The following PKD1L1 variants were observed in gnomAD, a reference collection of about 807,000 sequenced individuals.
The protein encoded by PKD1L1 is polycystin-1-like protein 1.
Under a neutral mutation model 323.4 loss-of-function variants are expected in PKD1L1, and 236 were observed. The observed-to-expected ratio is 0.73, with a 90% CI of 0.66 to 0.81. The LOEUF is 0.81. Among genes scored for constraint, PKD1L1 ranks in the 40% least tolerant of loss-of-function variants. PKD1L1 has a pLI of 0.00. For missense variants in PKD1L1, 3,320 were observed against 3,508.0 expected (o/e 0.95, Z 1.35); for synonymous variants, 1,344 against 1,335.0 (o/e 1.01, Z -0.15).
intron 3 of PKD1L1, among the ~76,000 whole-genome samples, chr7:47,937,706 G>A (rs989649242): frequency 5.9e-5 from 9 of 152,154 alleles, no homozygotes; most frequent in South Asian, 2.1e-4. Context: ...TGGGGTGGCC[G>A]GGCTGGCTGC....
At chr7:47,957,860 A>ATATATATATATATATATATATATATATAT in the PKD1L1 span, among the ~76,000 whole-genome samples, 151 of 124,096 alleles carry the variant, frequency 1.2e-3, 5 homozygotes, top group East Asian at 5.3e-3. Flanking sequence ...CAATTAAAAA[A>ATATATATATATATATATATATATATATAT]AAATATATAT....
rs746623293 is a variant in PKD1L1 at position 47,830,104 on chromosome 7, A to C, written c.6494T>G (p.Val2165Gly). 22 of 1,614,020 alleles carry C rather than the reference A, an allele frequency of 1.4e-5. No individual in the cohort carries two copies. The highest frequency in any genetic ancestry group is 1.2e-4 in the Admixed American group (7 of 60,006). ...LAYRFGQEQCVQWLHLLSLSV... is the reference protein window; with the variant it reads ...LAYRFGQEQCGQWLHLLSLSV... ...GAGGGACAGCAGGTGCAGCCACTGCACACATTGCTCCTGGCCAAACCTGCC... is the reference window on the plus strand; with the variant it reads ...GAGGGACAGCAGGTGCAGCCACTGCCCACATTGCTCCTGGCCAAACCTGCC... Residue 2165 changes from valine (V) to glycine (G), a missense_variant, in exon 43 of 57, where the codon GTG (valine) becomes GGG (glycine). Transcript: ENST00000289672.
At chr7:47,827,209 G>A (rs949732797) in intron 45 of PKD1L1, 141 bp downstream of exon 45, 17 of 664,950 alleles carry the variant, frequency 2.6e-5, no homozygotes, top group Non-Finnish European at 4.2e-5. Context: ...GGATGGCTCT[G>A]GGGACAGCAA....
intron 56 of PKD1L1, among the ~76,000 whole-genome samples, chr7:47,780,610 C>T (rs529243467): frequency 5.3e-5 from 8 of 149,562 alleles, no homozygotes; most frequent in South Asian, 2.1e-4. Flanking sequence ...CCAGTCTCGG[C>T]GACAGAAGAC....
chr7:47,865,289 A>G lies in PKD1L1; in HGVS notation c.4093-17T>C. The G allele has an allele frequency of 6.2e-7, 1 of 1,607,546 alleles. No homozygotes were observed. The highest frequency in any genetic ancestry group is 8.5e-7 in the Non-Finnish European group (1 of 1,176,302). ...CATTTCTTCCTGACCAGAAGAAACA[A>G]CAATAAAACAAAAAGAAAATGCAAG... On this transcript the variant is annotated splice_polypyrimidine_tract_variant and intron_variant, in intron 25 of 56. Coordinates refer to ENST00000289672, the MANE Select transcript of PKD1L1 (RefSeq NM_138295.5).
chr7:47,887,749 C>G (rs757928475), intron 17 of PKD1L1, among the ~76,000 whole-genome samples: 4 of 152,200 alleles, frequency 2.6e-5, no homozygotes, highest in Non-Finnish European at 5.9e-5. Context: ...TTGGGCGCAG[C>G]CTTCCATATC....
intron 7 of PKD1L1, among the ~76,000 whole-genome samples, chr7:47,917,464 T>C (rs1042566608): frequency 2.6e-5 from 4 of 152,076 alleles, no homozygotes; most frequent in Admixed American, 2.6e-4. Context: ...GACATCCAAA[T>C]ACAAGAAGCA....
chr7:47,922,770 C>A (rs1787577919), intron 7 of PKD1L1, among the ~76,000 whole-genome samples: 1 of 151,854 alleles, frequency 6.6e-6, no homozygotes, highest in South Asian at 2.1e-4. Context: ...AGCCCCCACC[C>A]CGGCCAGCCG....
chr7:47,831,414 G>A (rs1271028128), intron 41 of PKD1L1, 62 bp from the exon 42 acceptor site: 3 of 1,546,704 alleles, frequency 1.9e-6, no homozygotes, highest in East Asian at 4.5e-5. Context: ...CATCCACGCG[G>A]AGTGTGGTGG....
At position 47,865,371 on chromosome 7, in the gene PKD1L1, A is replaced by G. The variant is rs1786140384; in HGVS notation, c.4093-99T>C. 7 of 1,051,620 alleles carry G rather than the reference A, an allele frequency of 6.7e-6. No individual in the cohort carries two copies. The South Asian group carries it at 1.0e-4, about 15-fold the overall frequency. The allele number at this position is 1,051,620 out of a possible 1,614,324, so 65.1% of individuals were successfully genotyped here. A position where few individuals can be genotyped will look rare whatever the true frequency, so the allele number is the denominator to read the frequency against. On this transcript the variant is annotated intron_variant, in intron 25 of 56. Transcript: ENST00000289672. Reference sequence around the variant, plus strand: ...TACAGCTTGCCTATGTAGAAATAGTACAGATTCCCTGCTTTTTGGCCAAAA... The same window carrying G: ...TACAGCTTGCCTATGTAGAAATAGTGCAGATTCCCTGCTTTTTGGCCAAAA...
intron 8 of PKD1L1, among the ~76,000 whole-genome samples, chr7:47,909,012 G>A (rs1787265107): frequency 6.6e-6 from 1 of 152,162 alleles, no homozygotes; most frequent in South Asian, 2.1e-4. Context: ...ATCTGTGAGT[G>A]AGCCCCTCTA....
upstream of PKD1L1, among the ~76,000 whole-genome samples, chr7:47,949,623 G>A (rs1256309374): frequency 6.6e-6 from 1 of 152,102 alleles, no homozygotes; most frequent in African/African-American, 2.4e-5. Context: ...GCACTTGTTA[G>A]TTGTCTTAGT....
At chr7:47,863,926 A>G (rs562578288) in intron 26 of PKD1L1, among the ~76,000 whole-genome samples, 30 of 152,300 alleles carry the variant, frequency 2.0e-4, no homozygotes, top group Admixed American at 2.0e-3. Context: ...CACTTTTTAA[A>G]TGCTCTGCTG....
At chr7:47,790,852 A>G (rs1014676815) in intron 56 of PKD1L1, among the ~76,000 whole-genome samples, 3 of 150,582 alleles carry the variant, frequency 2.0e-5, no homozygotes, top group Non-Finnish European at 4.4e-5. Flanking sequence ...TACCTCCTGG[A>G]CCCCAGTAAT....
intron 52 of PKD1L1, among the ~76,000 whole-genome samples, chr7:47,807,887 G>A (rs778051965): frequency 1.4e-4 from 21 of 152,164 alleles, no homozygotes; most frequent in Non-Finnish European, 2.4e-4. Context: ...ATTTATGACT[G>A]TCGCCAGAAT....
intron 26 of PKD1L1, among the ~76,000 whole-genome samples, chr7:47,864,628 C>CTTTCTT (rs1562964080): frequency 2.2e-5 from 3 of 139,282 alleles, no homozygotes; most frequent in Non-Finnish European, 3.1e-5. Flanking sequence ...TTCTTTCTTT[C>CTTTCTT]TTTCTTTCCT....
chr7:47,845,679 TC>T (rs1785650552), intron 32 of PKD1L1, among the ~76,000 whole-genome samples: 1 of 152,192 alleles, frequency 6.6e-6, no homozygotes, highest in African/African-American at 2.4e-5. Flanking sequence ...AACCTCTGCC[TC>T]CCAGGTTCAA....
At chr7:47,796,948 A>T (rs9770658) in intron 54 of PKD1L1, among the ~76,000 whole-genome samples, 1 of 149,098 alleles carries the variant, frequency 6.7e-6, no homozygotes, top group South Asian at 2.1e-4. Flanking sequence ...TGCAGTGAGC[A>T]GAGATTGCGC....
At chr7:47,862,169 T>C (rs568645736) in intron 26 of PKD1L1, among the ~76,000 whole-genome samples, 1 of 151,768 alleles carries the variant, frequency 6.6e-6, no homozygotes, top group African/African-American at 2.4e-5. Flanking sequence ...CACTCCAGCT[T>C]GGGCGACAGA....
Sources: allele counts gnomAD v4.1 joint callset (sites outside exome capture counted in the v4.1 genomes callset), GRCh38; gene constraint gnomAD v4.1.1; transcripts MANE v1.5; gene names NCBI Gene and HGNC (gene_info 2026-07-23, HGNC 2026-07-21).